The following ELN variants were observed in gnomAD, a reference collection of about 807,000 sequenced individuals.
ELN encodes tropoelastin.
In ELN, 65 loss-of-function variants were observed where a neutral mutation model predicts 105.8. That is an observed-to-expected ratio of 0.61 (90% CI 0.50 to 0.75). ELN has a LOEUF of 0.75. Among genes scored for constraint, ELN ranks in the 30% least tolerant of loss-of-function variants. The pLI, the probability that ELN is intolerant of heterozygous loss-of-function variation, is 0.00. For missense variants in ELN, 882 were observed against 969.4 expected (o/e 0.91, Z 1.20); for synonymous variants, 368 against 389.2 (o/e 0.95, Z 0.64).
intron 8 of ELN, chr7:74,043,422 G>A: frequency 1.4e-6 from 1 of 712,468 alleles, no homozygotes; most frequent in Non-Finnish European, 2.5e-6. Flanking sequence ...TCGGGCGACA[G>A]ATGGGGAAAC....
Position 74,056,424 on chromosome 7 carries a change from T to C in ELN, c.1304T>C (p.Val435Ala), listed in dbSNP as rs782394918. Residue 435 changes from valine to alanine, a missense_variant, in exon 20 of 33, where the codon GTT becomes GCT. Transcript: ENST00000252034. ...CCCGGAGTCGGAGGTGTCCCGGGAGTTGGCATTTCCCGTGAGCCTTAGTCA... is the reference window on the plus strand; with the variant it reads ...CCCGGAGTCGGAGGTGTCCCGGGAGCTGGCATTTCCCGTGAGCCTTAGTCA... ...GVPGVGGVPGVGISPEAQAAA... is the reference protein window; with the variant it reads ...GVPGVGGVPGAGISPEAQAAA... 6.8e-6 allele frequency: 11 copies of C among 1,612,976 alleles called. No homozygotes were observed. Among genetic ancestry groups the C allele is most frequent in the African/African-American group, 5.4e-5 (4 of 74,614 alleles).
intron 1 of ELN, among the ~76,000 whole-genome samples, chr7:74,034,326 G>A (rs1554664232): frequency 6.6e-6 from 1 of 152,182 alleles, no homozygotes; most frequent in African/African-American, 2.4e-5. Flanking sequence ...AAGGGAGTGG[G>A]CTGCCTGGTG....
chr7:74,052,641 AGAAGGAAGGAAGGAAGGAAAGACG>A (rs1163974590), intron 17 of ELN: 5 of 157,400 alleles, frequency 3.2e-5, no homozygotes, highest in Non-Finnish European at 5.3e-5. Flanking sequence ...AAGGAAGGAA[AGAAGGAAGGAAGGAAGGAAAGACG>A]GAAGGAAGGA....
At chr7:74,041,189 A>C in intron 4 of ELN, 27 bp from the exon 5 acceptor site, 1 of 1,613,556 alleles carries the variant, frequency 6.2e-7, no homozygotes, top group Non-Finnish European at 8.5e-7. Context: ...CACTGCCTAC[A>C]CTCCTGTCTC....
Position 74,039,180 on chromosome 7 carries a change from C to G in ELN, c.196+1441C>G, listed in dbSNP as rs371581504. 1.2e-4 allele frequency among the ~76,000 whole-genome samples: 18 copies of G among 152,346 alleles called. No individual in the cohort carries two copies. In the East Asian group the frequency reaches 1.9e-3, roughly 16 times the overall value. On this transcript the variant is annotated intron_variant, in intron 4 of 32. Coordinates refer to ENST00000252034, the MANE Select transcript of ELN (RefSeq NM_000501.4). ...GGTTAAACACCAGAGGAAAGACAGA[C>G]AACTCCCTACGAAGTTCCAGGATGT...
intron 18 of ELN, 65 bp downstream of exon 18, chr7:74,053,374 T>G: frequency 6.4e-7 from 1 of 1,573,810 alleles, no homozygotes; most frequent in Non-Finnish European, 8.6e-7. Context: ...GAGAGAAATA[T>G]TGAGACTATT....
intron 32 of ELN, among the ~76,000 whole-genome samples, chr7:74,067,147 G>A (rs1432860951): frequency 5.9e-5 from 9 of 152,116 alleles, no homozygotes; most frequent in African/African-American, 1.7e-4. Context: ...TTAGCCGGGT[G>A]TGGTGGCTCA....
intron 14 of ELN, 43 bp from the exon 15 acceptor site, chr7:74,048,460 G>A (rs1554673881): frequency 1.2e-6 from 2 of 1,613,668 alleles, no homozygotes; most frequent in Non-Finnish European, 1.7e-6. Context: ...GGAGATACAG[G>A]AGCACTGTTT....
intron 2 of ELN, 23 bp downstream of exon 2, chr7:74,035,437 AC>A (rs1554664989): frequency 6.2e-7 from 1 of 1,614,006 alleles, no homozygotes; most frequent in Admixed American, 1.7e-5. Context: ...AAACTTCCAC[AC>A]ACCCAGGTCA....
At position 74,063,470 on chromosome 7, in the gene ELN, C is replaced by G. The variant is rs1160641740; in HGVS notation, c.1918+101C>G. 1.3e-6 allele frequency: 2 copies of G among 1,593,584 alleles called. No individual in the cohort carries two copies. On this transcript the variant is annotated intron_variant, in intron 28 of 32. Coordinates refer to ENST00000252034, the MANE Select transcript of ELN (RefSeq NM_000501.4). The surrounding 1 kb of genome is among the most constrained non-coding windows in gnomAD (Gnocchi z 4.1). ...CACTGTAGACTCAGAGTCCCTGCCC[C>G]AGACACCTCCTGGCTCCACTGTGCC...
intron 13 of ELN, 148 bp downstream of exon 13, chr7:74,047,864 G>A: frequency 8.1e-7 from 1 of 1,235,064 alleles, no homozygotes; most frequent in African/African-American, 1.5e-5. Flanking sequence ...GAAGGAAAGG[G>A]CATGGAATTT....
At chr7:74,045,323 G>A (rs1792212481) in intron 10 of ELN, 30 bp downstream of exon 10, 2 of 1,612,786 alleles carry the variant, frequency 1.2e-6, no homozygotes, top group Non-Finnish European at 1.7e-6. Context: ...GAGGGCTGAT[G>A]GCAGGGACTC....
intron 1 of ELN, among the ~76,000 whole-genome samples, chr7:74,028,870 G>GTA (rs1426994842): frequency 6.6e-6 from 1 of 152,152 alleles, no homozygotes; most frequent in African/African-American, 2.4e-5. Flanking sequence ...ATTTGTGTGT[G>GTA]TGTGTGTGTG....
intron 11 of ELN, 135 bp downstream of exon 11, chr7:74,046,352 G>A: frequency 7.7e-7 from 1 of 1,297,604 alleles, no homozygotes; most frequent in Non-Finnish European, 1.1e-6. Flanking sequence ...TCTTGCAGTG[G>A]CTGTAGCACA....
chr7:74,059,621 T>A lies in ELN; in HGVS notation c.1415-265T>A, dbSNP rs1796140032. 1.4e-5 allele frequency: 8 copies of A among 568,074 alleles called. No homozygotes were observed. The South Asian group carries it at 1.6e-4, about 12-fold the overall frequency. 35.2% of individuals were successfully genotyped at this position (568,074 alleles called of 1,614,324 possible). ...CTCACTTGAACTCGGGAGGTGGTGG[T>A]TGCAGTGAGTCGAGATCACGCCATT... On this transcript the variant is annotated intron_variant, in intron 22 of 32. Transcript: ENST00000252034.
At chr7:74,036,721 T>C (rs2131216483) in intron 3 of ELN, 137 bp downstream of exon 3, 6 of 1,268,310 alleles carry the variant, frequency 4.7e-6, no homozygotes, top group Non-Finnish European at 6.8e-6. Flanking sequence ...ATCCAGGCGG[T>C]GGGAGGAGGC....
At chr7:74,051,098 G>A (rs1186213635) in intron 15 of ELN, among the ~76,000 whole-genome samples, 1 of 152,174 alleles carries the variant, frequency 6.6e-6, no homozygotes, top group East Asian at 1.9e-4. Context: ...TGGGTGGAGT[G>A]GGCATCTGTC....
At chr7:74,053,053 C>A (rs1554677219) in intron 17 of ELN, 110 bp from the exon 18 acceptor site, 7 of 1,517,240 alleles carry the variant, frequency 4.6e-6, no homozygotes, top group African/African-American at 1.4e-5. Flanking sequence ...TGTCAACCCA[C>A]CTGCAATCCT....
rs1358465950 is a variant in ELN, at chr7:74,063,409, C to T, written c.1918+40C>T. 7.1e-6 allele frequency: 11 copies of T among 1,544,456 alleles called. No individual in the cohort carries two copies. The highest frequency in any genetic ancestry group is 6.8e-5 in the African/African-American group (5 of 73,050). On this transcript the variant is annotated intron_variant, in intron 28 of 32. Transcript: ENST00000252034. This position sits in a 1 kb window ranked among gnomAD's most constrained non-coding sequence, Gnocchi z 4.1. Reference sequence around the variant, plus strand: ...GAGGTGGGAGCTGCCGCCAGGCCCCCAGGCCCCCAGGGTGTGGGAGGAGCT... The same window carrying T: ...GAGGTGGGAGCTGCCGCCAGGCCCCTAGGCCCCCAGGGTGTGGGAGGAGCT...
Sources: allele counts gnomAD v4.1 joint callset (sites outside exome capture counted in the v4.1 genomes callset), GRCh38; gene constraint gnomAD v4.1.1; non-coding constraint Gnocchi (gnomAD v3.1); transcripts MANE v1.5; gene names NCBI Gene and HGNC (gene_info 2026-07-23, HGNC 2026-07-21).